Variants in LRPAP1 observed in about 807,000 individuals in gnomAD.
The protein encoded by LRPAP1 is LDL receptor related protein associated protein 1, also known as alpha-2-macroglobulin receptor-associated protein.
A neutral mutation model predicts 39.9 loss-of-function variants in LRPAP1; 41 were observed. The ratio of observed to expected loss-of-function variants is 1.03; its 90% CI spans 0.80 to 1.33. LRPAP1 has a LOEUF of 1.33. Among genes scored for constraint, LRPAP1 ranks in the 40% most tolerant of loss-of-function variants. The pLI is 0.00. For missense variants in LRPAP1, 565 were observed against 482.3 expected (o/e 1.17, Z -1.61); for synonymous variants, 263 against 212.7 (o/e 1.24, Z -2.06).
chr4:3,521,383 C>T (rs1729904786), intron 2 of LRPAP1, among the ~76,000 whole-genome samples: 1 of 152,202 alleles, frequency 6.6e-6, no homozygotes, highest in African/African-American at 2.4e-5. Flanking sequence ...TCCTCTGGGC[C>T]TTCACCCGTG....
intron 6 of LRPAP1, among the ~76,000 whole-genome samples, chr4:3,515,651 C>T (rs1466120878): frequency 2.0e-5 from 3 of 152,160 alleles, no homozygotes; most frequent in Non-Finnish European, 2.9e-5. Context: ...GGGTGCTCAC[C>T]GAGCTGATGA....
intron 4 of LRPAP1, 134 bp downstream of exon 4, chr4:3,518,737 C>T (rs960184887): frequency 1.1e-5 from 7 of 611,334 alleles, no homozygotes; most frequent in East Asian, 5.9e-5. Flanking sequence ...CGTCTGGTGC[C>T]GCCTCCCTGC....
In LRPAP1 at chr4:3,520,202, G is replaced by A; in HGVS notation, c.350-9C>T. The A allele has an allele frequency of 6.2e-7, 1 of 1,612,258 alleles. No homozygotes were observed. The highest frequency in any genetic ancestry group is 8.5e-7 in the Non-Finnish European group (1 of 1,178,774). Reference sequence around the variant, plus strand: ...ATACTTGGCCAAGATGACTAGGAGAGAGGGGAGGTTCTATTTGATATGGTT... The same window carrying A: ...ATACTTGGCCAAGATGACTAGGAGAAAGGGGAGGTTCTATTTGATATGGTT... On this transcript the variant is annotated splice_polypyrimidine_tract_variant and intron_variant, in intron 2 of 7. Coordinates refer to ENST00000650182, the MANE Select transcript of LRPAP1 (RefSeq NM_002337.4).
chr4:3,517,739 G>A (rs960587543), intron 5 of LRPAP1: 1 of 323,184 alleles, frequency 3.1e-6, no homozygotes, highest in Non-Finnish European at 5.7e-6. Context: ...CAGCACGGGA[G>A]GGGCCGTGCT....
rs755770081 is a variant in LRPAP1, at chr4:3,508,702, G to A, written c.*4272C>T. ...TAATGCGGTAAGGAAGTGACCTCAT[G>A]AGCATCTCACTAGGTGCAGGAAAGG... On this transcript the variant is annotated 3_prime_UTR_variant, in exon 8 of 8. Coordinates refer to ENST00000650182, the MANE Select transcript of LRPAP1 (RefSeq NM_002337.4). The A allele has an allele frequency of 6.6e-6, 1 of 152,206 alleles. No individual in the cohort carries two copies. The highest frequency in any genetic ancestry group is 1.5e-5 in the Non-Finnish European group (1 of 68,040). The allele number at this position is 152,206 out of a possible 1,614,324, so 9.4% of individuals were successfully genotyped here. A position where few individuals can be genotyped will look rare whatever the true frequency, so the allele number is the denominator to read the frequency against.
chr4:3,524,982 C>A lies in LRPAP1; in HGVS notation c.274G>T (p.Ala92Ser), dbSNP rs142211110. 136 of 1,613,996 alleles carry A rather than the reference C, an allele frequency of 8.4e-5. No individual in the cohort carries two copies. Among genetic ancestry groups the A allele is most frequent in the Non-Finnish European group, 1.1e-4 (134 of 1,180,036 alleles). Reference sequence around the variant, plus strand: ...CCGTCAAGCTTTAGTTTCTTCCAGGCGAGTTCGTCCCTCTCCTGTATCTTC... The same window carrying A: ...CCGTCAAGCTTTAGTTTCTTCCAGGAGAGTTCGTCCCTCTCCTGTATCTTC... ...DLKIQERDELAWKKLKLDGLD... is the reference protein window; with the variant it reads ...DLKIQERDELSWKKLKLDGLD... Residue 92 changes from alanine to serine, a missense_variant, in exon 2 of 8, where the codon GCC (alanine) becomes TCC (serine). By Grantham distance (99) the Ala-to-Ser change is moderately conservative (BLOSUM62 1). Transcript: ENST00000650182.
At chr4:3,530,662 G>A (rs1381974799) in intron 1 of LRPAP1, among the ~76,000 whole-genome samples, 1 of 152,222 alleles carries the variant, frequency 6.6e-6, no homozygotes, top group African/African-American at 2.4e-5. Context: ...CCGGGGGACA[G>A]TGCAGGGGCA....
At position 3,505,845 on chromosome 4, in the gene LRPAP1, A is replaced by G. The variant is rs1034617908; in HGVS notation, c.*7129T>C. Among the ~76,000 whole-genome samples the G allele has an allele frequency of 1.3e-5, 2 of 152,152 alleles. No homozygotes were observed. Among genetic ancestry groups the G allele is most frequent in the African/African-American group, 4.8e-5 (2 of 41,436 alleles). ...GAAGCCATCAAGTTCCTGGGTAGAG[A>G]TGACCTTTCAGATGGATGCTGACCC... is the stretch of plus-strand genomic sequence containing the variant. On this transcript the variant is annotated 3_prime_UTR_variant, in exon 8 of 8. Coordinates refer to ENST00000650182, the MANE Select transcript of LRPAP1 (RefSeq NM_002337.4).
chr4:3,524,983 G>C lies in LRPAP1; in HGVS notation c.273C>G (p.Leu91=), dbSNP rs765216292. ...ADLKIQERDE[L]AWKKLKLDGL... Reference sequence around the variant, plus strand: ...CGTCAAGCTTTAGTTTCTTCCAGGCGAGTTCGTCCCTCTCCTGTATCTTCA... The same window carrying C: ...CGTCAAGCTTTAGTTTCTTCCAGGCCAGTTCGTCCCTCTCCTGTATCTTCA... Residue 91 remains leucine (L), a synonymous_variant, in exon 2 of 8, where the codon CTC becomes CTG. Coordinates refer to ENST00000650182, the MANE Select transcript of LRPAP1 (RefSeq NM_002337.4). The C allele has an allele frequency of 2.5e-6, 4 of 1,614,006 alleles. No individual in the cohort carries two copies. In the South Asian group the frequency reaches 4.4e-5, roughly 18 times the overall value.
chr4:3,522,455 A>AGGAGCACCGAGCCCTT (rs1347549631), intron 2 of LRPAP1, among the ~76,000 whole-genome samples: 1 of 151,618 alleles, frequency 6.6e-6, no homozygotes, highest in Non-Finnish European at 1.5e-5. Context: ...AGGCGGCCTC[A>AGGAGCACCGAGCCCTT]GGAGCACCGA....
At chr4:3,531,432 G>A (rs1264593871) in intron 1 of LRPAP1, among the ~76,000 whole-genome samples, 2 of 152,314 alleles carry the variant, frequency 1.3e-5, no homozygotes, top group East Asian at 3.9e-4. Flanking sequence ...GAGATAATGA[G>A]GCCCAGATGG....
chr4:3,531,011 T>C (rs929195215), intron 1 of LRPAP1, among the ~76,000 whole-genome samples: 1 of 152,122 alleles, frequency 6.6e-6, no homozygotes, highest in African/African-American at 2.4e-5. Flanking sequence ...CGGCTGCTCC[T>C]GGTCACACCT....
intron 1 of LRPAP1, among the ~76,000 whole-genome samples, chr4:3,526,133 G>A (rs1049951247): frequency 2.6e-5 from 4 of 152,258 alleles, no homozygotes; most frequent in Non-Finnish European, 2.9e-5. Context: ...AGTGACGCCA[G>A]CGCATTAAAG....
At position 3,507,621 on chromosome 4, in the gene LRPAP1, C is replaced by T. The variant is rs1335479186; in HGVS notation, c.*5353G>A. On this transcript the variant is annotated 3_prime_UTR_variant, in exon 8 of 8. Coordinates refer to ENST00000650182, the MANE Select transcript of LRPAP1 (RefSeq NM_002337.4). ...AAGTTTTTAACTGTATTATCCCATTCTTTCATATTCTTCATCAATGATCTA... is the reference window on the plus strand; with the variant it reads ...AAGTTTTTAACTGTATTATCCCATTTTTTCATATTCTTCATCAATGATCTA... 1 of 151,980 alleles carries T rather than the reference C, an allele frequency of 6.6e-6. No homozygotes were observed. The highest frequency in any genetic ancestry group is 2.4e-5 in the African/African-American group (1 of 41,338). The allele number at this position is 151,980 out of a possible 1,614,324, so 9.4% of individuals were successfully genotyped here.
At chr4:3,522,660 GGACGCCGCCCCACACCCC>G (rs1729950820) in intron 2 of LRPAP1, among the ~76,000 whole-genome samples, 1 of 119,816 alleles carries the variant, frequency 8.3e-6, no homozygotes, top group Admixed American at 8.0e-5. Flanking sequence ...TGGGGAGGAC[GGACGCCGCCCCACACCCC>G]CTGCCTGGGG....
chr4:3,528,821 T>C (rs2108698073), intron 1 of LRPAP1, among the ~76,000 whole-genome samples: 2 of 152,300 alleles, frequency 1.3e-5, no homozygotes, highest in East Asian at 3.9e-4. Context: ...TGTGAGGTCA[T>C]GCATTGGCCT....
At chr4:3,525,122 G>C in intron 1 of LRPAP1, 71 bp from the exon 2 acceptor site, 1 of 1,577,906 alleles carries the variant, frequency 6.3e-7, no homozygotes, top group Non-Finnish European at 8.7e-7. Flanking sequence ...AACTGACCTC[G>C]GAGGAGGCTG....
Position 3,532,341 on chromosome 4 carries a change from C to A in LRPAP1, c.72G>T (p.Gly24=). The A allele has an allele frequency of 6.3e-7, 1 of 1,592,030 alleles. No individual in the cohort carries two copies. The highest frequency in any genetic ancestry group is 1.3e-5 in the African/African-American group (1 of 74,704). ...CGCCGTGGCTCGCAGCGGGCCAGGG[C>A]CCGAGGAAGAGCAGCAGCAGTAGCA... is the stretch of plus-strand genomic sequence containing the variant. ...PALLLLLLFL[G]PWPAASHGGK... Residue 24 remains glycine, a synonymous_variant, in exon 1 of 8, where the codon GGG becomes GGT. Transcript: ENST00000650182.
chr4:3,526,593 A>C (rs1730084935), intron 1 of LRPAP1, among the ~76,000 whole-genome samples: 1 of 152,220 alleles, frequency 6.6e-6, no homozygotes, highest in Non-Finnish European at 1.5e-5. Flanking sequence ...ACTGCCTTGC[A>C]GCCCGAGACC....
Sources: gnomAD v4.1 joint callset for allele counts (sites outside exome capture counted in the v4.1 genomes callset) on GRCh38, gnomAD v4.1.1 for gene constraint, MANE v1.5 for transcripts, NCBI Gene and HGNC (gene_info 2026-07-23, HGNC 2026-07-21) for gene names.